The following DENND1A variants were observed in gnomAD, a reference collection of about 807,000 sequenced individuals.
DENND1A encodes the protein DENN domain containing 1A.
In DENND1A, 51 loss-of-function variants were observed where a neutral mutation model predicts 113.7. The observed-to-expected ratio is 0.45, with a 90% CI of 0.36 to 0.57. The LOEUF is 0.57. Among genes scored for constraint, DENND1A ranks in the 20% least tolerant of loss-of-function variants. DENND1A has a pLI of 0.00. For synonymous variants in DENND1A, 565 were observed against 570.8 expected, an observed-to-expected ratio of 0.99 and a Z score of 0.14; for missense variants, 1,258 against 1,395.9, an observed-to-expected ratio of 0.90 and a Z score of 1.57.
intron 13 of DENND1A, among the ~76,000 whole-genome samples, chr9:123,507,004 G>T (rs2053010552): frequency 6.6e-6 from 1 of 152,114 alleles, no homozygotes; most frequent in South Asian, 2.1e-4. Context: ...TGGCCAACAT[G>T]GTGAAACTCA....
chr9:123,432,315 T>A (rs2046194888), intron 19 of DENND1A, among the ~76,000 whole-genome samples: 1 of 152,226 alleles, frequency 6.6e-6, no homozygotes, highest in African/African-American at 2.4e-5. Context: ...GCCTGGGCTC[T>A]GAAAAGGTGA....
chr9:123,618,405 T>C (rs527402186), intron 10 of DENND1A, among the ~76,000 whole-genome samples: 2 of 152,294 alleles, frequency 1.3e-5, no homozygotes, highest in African/African-American at 4.8e-5. Context: ...AATGTGTCAC[T>C]CACGTACAGA....
chr9:123,531,378 T>G (rs937149759), intron 13 of DENND1A, among the ~76,000 whole-genome samples: 15 of 152,156 alleles, frequency 9.9e-5, no homozygotes, highest in African/African-American at 3.4e-4. Flanking sequence ...TTAAAAAATC[T>G]TTTCCATTCC....
intron 1 of DENND1A, chr9:123,928,799 C>T (rs576901247): frequency 9.1e-6 from 9 of 985,356 alleles, no homozygotes; most frequent in Non-Finnish European, 9.6e-6. Context: ...TCCTTTCAAA[C>T]TTCCCTAGTA....
At chr9:123,658,943 T>TCATA (rs2063100436) in intron 8 of DENND1A, among the ~76,000 whole-genome samples, 1 of 152,196 alleles carries the variant, frequency 6.6e-6, no homozygotes, top group African/African-American at 2.4e-5. Context: ...AATGCTCAGA[T>TCATA]CATACCCACT....
At chr9:123,495,149 C>CTT in intron 13 of DENND1A, among the ~76,000 whole-genome samples, 1 of 32,156 alleles carries the variant, frequency 3.1e-5, no homozygotes, top group African/African-American at 4.9e-5. Flanking sequence ...CTTTCTCTCT[C>CTT]TCTCTCTCTC....
chr9:123,575,194 C>G (rs182757125), intron 12 of DENND1A, among the ~76,000 whole-genome samples: 36 of 152,296 alleles, frequency 2.4e-4, no homozygotes, highest in African/African-American at 7.2e-4. Context: ...GGATGAAACT[C>G]TTCCACCTCA....
chr9:123,549,469 C>G (rs572007400), intron 13 of DENND1A, among the ~76,000 whole-genome samples: 12 of 152,164 alleles, frequency 7.9e-5, no homozygotes, highest in African/African-American at 2.9e-4. Context: ...TGAGCCACCG[C>G]GAGGCTGAGT....
chr9:123,420,543 C>T (rs561773550), intron 19 of DENND1A, among the ~76,000 whole-genome samples: 80 of 152,272 alleles, frequency 5.3e-4, no homozygotes, highest in East Asian at 4.1e-3. Context: ...GCTCGCCAGT[C>T]CTGTCAACGA....
chr9:123,776,247 A>G (rs1014807673), intron 3 of DENND1A, among the ~76,000 whole-genome samples: 30 of 152,178 alleles, frequency 2.0e-4, no homozygotes, highest in African/African-American at 7.0e-4. Context: ...GAGCATTCAG[A>G]TATCTTAAAG....
In DENND1A at chr9:123,451,948, A is replaced by G. The variant is rs1331506223; in HGVS notation, c.1299+328T>C. Among the ~76,000 whole-genome samples the G allele has an allele frequency of 3.3e-5, 5 of 151,940 alleles. No individual in the cohort carries two copies. The South Asian group carries it at 1.0e-3, about 32-fold the overall frequency. ...TGCAGCAGCTCATGCTGGTAATCCC[A>G]GCACTTTGGGAGGCCGAGGCAGGAG... On this transcript the variant is annotated intron_variant, in intron 17 of 23. Transcript: ENST00000394215.
chr9:123,510,938 C>T (rs1487865103), intron 13 of DENND1A, among the ~76,000 whole-genome samples: 1 of 152,144 alleles, frequency 6.6e-6, no homozygotes, highest in Non-Finnish European at 1.5e-5. Flanking sequence ...AGGGGAGACT[C>T]GAGCATGGAA....
intron 8 of DENND1A, among the ~76,000 whole-genome samples, chr9:123,653,778 C>T (rs770670800): frequency 4.6e-5 from 7 of 151,892 alleles, no homozygotes; most frequent in Non-Finnish European, 1.0e-4. Flanking sequence ...TAAAAATTAC[C>T]GTTACCCCAT....
chr9:123,731,923 A>G (rs1466226549), intron 5 of DENND1A, among the ~76,000 whole-genome samples: 6 of 152,216 alleles, frequency 3.9e-5, no homozygotes, highest in African/African-American at 7.2e-5. Flanking sequence ...AGATTTGAAT[A>G]CTTTACCAAA....
chr9:123,873,962 C>T (rs181221284), intron 2 of DENND1A, among the ~76,000 whole-genome samples: 18 of 151,998 alleles, frequency 1.2e-4, no homozygotes, highest in East Asian at 1.9e-4. Context: ...AGGCTGGTCT[C>T]GAACTCTTGA....
At chr9:123,511,336 AAC>A (rs1329845110) in intron 13 of DENND1A, among the ~76,000 whole-genome samples, 1 of 152,228 alleles carries the variant, frequency 6.6e-6, no homozygotes, top group East Asian at 1.9e-4. Flanking sequence ...TCTGAGGGCT[AAC>A]ACAGCGGGGG....
chr9:123,488,962 C>A (rs2051124007), intron 13 of DENND1A, among the ~76,000 whole-genome samples: 2 of 152,166 alleles, frequency 1.3e-5, no homozygotes, highest in South Asian at 4.1e-4. Context: ...CCTCTGGCCT[C>A]CCACACTCAA....
intron 18 of DENND1A, among the ~76,000 whole-genome samples, chr9:123,445,368 G>C (rs1214641533): frequency 6.6e-6 from 1 of 152,240 alleles, no homozygotes; most frequent in East Asian, 1.9e-4. Context: ...CCACCCCTGG[G>C]CTGCCCCCAG....
intron 13 of DENND1A, among the ~76,000 whole-genome samples, chr9:123,551,442 G>A (rs185900313): frequency 2.2e-4 from 34 of 152,314 alleles, no homozygotes; most frequent in Admixed American, 5.9e-4. Flanking sequence ...TTACTAACAC[G>A]GAACATGTGG....
Sources: allele counts gnomAD v4.1 joint callset (sites outside exome capture counted in the v4.1 genomes callset), GRCh38; gene constraint gnomAD v4.1.1; transcripts MANE v1.5; gene names NCBI Gene and HGNC (gene_info 2026-07-23, HGNC 2026-07-21).